The following CACNA2D1 variants were observed in gnomAD, a reference collection of about 807,000 sequenced individuals.
CACNA2D1 encodes the protein voltage-dependent calcium channel subunit alpha-2/delta-1.
CACNA2D1 carries 53 observed loss-of-function variants against 171.5 expected under a neutral mutation model. The observed-to-expected ratio is 0.31, with a 90% CI of 0.25 to 0.39. The LOEUF is 0.39. CACNA2D1 is among the 10% of genes least tolerant of loss of function. The pLI, the probability that CACNA2D1 is intolerant of heterozygous loss-of-function variation, is 1.00. For synonymous variants in CACNA2D1, 442 were observed against 443.1 expected (o/e 1.00, Z 0.03); for missense variants, 903 against 1,299.8 (o/e 0.69, Z 4.69).
chr7:81,957,251 T>C (rs552540432), intron 38 of CACNA2D1, among the ~76,000 whole-genome samples: 1 of 152,170 alleles, frequency 6.6e-6, no homozygotes, highest in Admixed American at 6.6e-5. Flanking sequence ...TGAAAAATGA[T>C]TTTTACATAA....
At chr7:82,402,705 C>CAAAAAAAAAAAAAAA in intron 1 of CACNA2D1, among the ~76,000 whole-genome samples, 1 of 64,824 alleles carries the variant, frequency 1.5e-5, no homozygotes, top group Non-Finnish European at 2.8e-5. Flanking sequence ...GACTCTGTCT[C>CAAAAAAAAAAAAAAA]AAAAAAAAAA....
chr7:82,073,908 T>A (rs2128995958), intron 7 of CACNA2D1, among the ~76,000 whole-genome samples: 1 of 152,296 alleles, frequency 6.6e-6, no homozygotes, highest in East Asian at 1.9e-4. Context: ...GCCTGCATTT[T>A]ATTTTGAATG....
intron 3 of CACNA2D1, among the ~76,000 whole-genome samples, chr7:82,285,619 A>T (rs1361690368): frequency 6.6e-6 from 1 of 152,198 alleles, no homozygotes; most frequent in African/African-American, 2.4e-5. Flanking sequence ...CACTATGATT[A>T]GTGGACTATA....
Position 82,193,161 on chromosome 7 carries a change from C to T in CACNA2D1, c.295-22552G>A, listed in dbSNP as rs1395226366. Among the ~76,000 whole-genome samples, 11 of 148,402 alleles carry T rather than the reference C, an allele frequency of 7.4e-5. No individual in the cohort carries two copies. In the Admixed American group the frequency reaches 7.5e-4, roughly 10 times the overall value. ...TGAGAATTGCACTTTACCCGGGCTT[C>T]AACCCCTCATAATTCAAGTAAATAA... On this transcript the variant is annotated intron_variant, in intron 3 of 38. Transcript: ENST00000356860.
intron 3 of CACNA2D1, among the ~76,000 whole-genome samples, chr7:82,229,188 T>C (rs1802649960): frequency 6.6e-6 from 1 of 152,168 alleles, no homozygotes; most frequent in Non-Finnish European, 1.5e-5. Context: ...AGGTAGCTTC[T>C]TACAGTGTAA....
At chr7:82,030,661 AG>A (rs1438006378) in intron 12 of CACNA2D1, among the ~76,000 whole-genome samples, 1 of 151,820 alleles carries the variant, frequency 6.6e-6, no homozygotes, top group Non-Finnish European at 1.5e-5. Flanking sequence ...ACATAATGAA[AG>A]GAAAAAAATG....
At chr7:82,260,391 A>G (rs1195903695) in intron 3 of CACNA2D1, among the ~76,000 whole-genome samples, 1 of 152,208 alleles carries the variant, frequency 6.6e-6, no homozygotes, top group African/African-American at 2.4e-5. Flanking sequence ...GAAAAGAAAT[A>G]CCAAGTAGGC....
At chr7:82,083,009 TC>T (rs1283546021) in intron 7 of CACNA2D1, among the ~76,000 whole-genome samples, 1 of 152,002 alleles carries the variant, frequency 6.6e-6, no homozygotes, top group Non-Finnish European at 1.5e-5. Context: ...ATGTTTTCTC[TC>T]CCATTTTGCA....
intron 3 of CACNA2D1, among the ~76,000 whole-genome samples, chr7:82,328,366 G>A (rs1447793839): frequency 6.6e-6 from 1 of 152,088 alleles, no homozygotes; most frequent in African/African-American, 2.4e-5. Context: ...TAGAACATGA[G>A]GGTGTTTTAT....
intron 10 of CACNA2D1, among the ~76,000 whole-genome samples, chr7:82,057,666 C>T (rs1240419062): frequency 2.0e-5 from 3 of 151,892 alleles, no homozygotes; most frequent in African/African-American, 4.8e-5. Flanking sequence ...ACTTGGGATT[C>T]GTTCAAGTAT....
intron 1 of CACNA2D1, among the ~76,000 whole-genome samples, chr7:82,393,600 T>C (rs1825438616): frequency 6.6e-6 from 1 of 152,148 alleles, no homozygotes. Context: ...GAATTGAAAA[T>C]ATGCTTCCAA....
intron 21 of CACNA2D1, among the ~76,000 whole-genome samples, chr7:81,985,196 C>CTTTTTTTTTTTTTTTTTTTTTT (rs774555240): frequency 7.7e-5 from 8 of 104,176 alleles, no homozygotes; most frequent in African/African-American, 3.3e-4. Context: ...ATTATCATTA[C>CTTTTTTTTTTTTTTTTTTTTTT]TTTTTTTTTT....
At chr7:82,292,297 A>C (rs1233751053) in intron 3 of CACNA2D1, among the ~76,000 whole-genome samples, 2 of 152,194 alleles carry the variant, frequency 1.3e-5, no homozygotes. Flanking sequence ...GGATAACTCC[A>C]TCACCCTGCA....
intron 1 of CACNA2D1, among the ~76,000 whole-genome samples, chr7:82,423,166 T>C (rs964119419): frequency 6.6e-6 from 1 of 152,118 alleles, no homozygotes; most frequent in Non-Finnish European, 1.5e-5. Context: ...GAGACTTTTA[T>C]ATAGCCTCAG....
intron 1 of CACNA2D1, among the ~76,000 whole-genome samples, chr7:82,442,236 C>G (rs1830560399): frequency 6.6e-6 from 1 of 152,114 alleles, no homozygotes; most frequent in African/African-American, 2.4e-5. Context: ...CTGTTACTTT[C>G]CACCAAAAAC....
chr7:82,294,421 T>C (rs1195665947), intron 3 of CACNA2D1, among the ~76,000 whole-genome samples: 1 of 151,838 alleles, frequency 6.6e-6, no homozygotes, highest in Non-Finnish European at 1.5e-5. Flanking sequence ...TTGCAATTTC[T>C]ATATGGTGAC....
intron 3 of CACNA2D1, among the ~76,000 whole-genome samples, chr7:82,280,306 T>G (rs2129371728): frequency 6.6e-6 from 1 of 152,288 alleles, no homozygotes; most frequent in South Asian, 2.1e-4. Context: ...GAGGAAAATT[T>G]GAGTGACAAA....
At chr7:82,414,977 T>G (rs1486450946) in intron 1 of CACNA2D1, among the ~76,000 whole-genome samples, 1 of 152,228 alleles carries the variant, frequency 6.6e-6, no homozygotes, top group South Asian at 2.1e-4. Flanking sequence ...TTACCTTATT[T>G]AGGGGAAGAA....
chr7:82,203,534 C>T (rs1311016273), intron 3 of CACNA2D1, among the ~76,000 whole-genome samples: 2 of 152,168 alleles, frequency 1.3e-5, no homozygotes, highest in Admixed American at 1.3e-4. Flanking sequence ...CTCCCCTTGC[C>T]TAGAATTATG....
Sources: gnomAD v4.1 joint callset for allele counts (sites outside exome capture counted in the v4.1 genomes callset) on GRCh38, gnomAD v4.1.1 for gene constraint, MANE v1.5 for transcripts, NCBI Gene and HGNC (gene_info 2026-07-23, HGNC 2026-07-21) for gene names.